Variants in PHLDB1 observed in about 807,000 individuals in gnomAD.
PHLDB1 encodes pleckstrin homology-like domain family B member 1.
A neutral mutation model predicts 139.3 loss-of-function variants in PHLDB1; 65 were observed. That is an observed-to-expected ratio of 0.47 (90% CI 0.38 to 0.57). The LOEUF is 0.57. Ranked by LOEUF, PHLDB1 falls within the 20% of genes least tolerant of loss-of-function variation. The pLI is 0.00. For missense variants in PHLDB1, 1,624 were observed against 1,839.7 expected (o/e 0.88, Z 2.14); for synonymous variants, 679 against 734.5 (o/e 0.92, Z 1.22).
rs1555142276 is a variant in PHLDB1, at chr11:118,656,798, A to G, written c.4109A>G (p.Glu1370Gly). The G allele has an allele frequency of 1.9e-6, 3 of 1,613,858 alleles. No homozygotes were observed. Among genetic ancestry groups the G allele is most frequent in the Non-Finnish European group, 2.5e-6 (3 of 1,179,846 alleles). Residue 1370 changes from glutamate to glycine, a missense_variant, in exon 23 of 23, where the codon GAG becomes GGG. Transcript: ENST00000600882. ...ATGGATGTCATTGTCACAGGGGCTGAGGGCTACACTCAGTTCATGAACTAA... is the reference window on the plus strand; with the variant it reads ...ATGGATGTCATTGTCACAGGGGCTGGGGGCTACACTCAGTTCATGAACTAA... Reference protein sequence around the residue: ...IWMDVIVTGAEGYTQFMN With the variant: ...IWMDVIVTGAGGYTQFMN
intron 4 of PHLDB1, among the ~76,000 whole-genome samples, chr11:118,618,161 G>A (rs1942033695): frequency 6.6e-6 from 1 of 152,100 alleles, no homozygotes; most frequent in Non-Finnish European, 1.5e-5. Flanking sequence ...AGCCAAGTAT[G>A]TACCCTCCCA....
At chr11:118,641,527 C>T (rs781975804) in intron 12 of PHLDB1, 1 of 797,842 alleles carries the variant, frequency 1.3e-6, no homozygotes, top group Non-Finnish European at 1.7e-6. Flanking sequence ...TGCCCTTTCC[C>T]TCCCTTCCCC....
Position 118,648,027 on chromosome 11 carries a change from A to T in PHLDB1, c.3605A>T (p.Gln1202Leu). The change falls in exon 18 of 23, where the codon CAG becomes CTG. Residue 1202 changes from glutamine (Q) to leucine (L), a missense_variant. Gln to Leu is a moderately radical substitution (Grantham distance 113, BLOSUM62 -2). Transcript: ENST00000600882. ...RRLQSESARR[Q>L]QLVEKEVKMR... ...CTGCAGAGTGAGAGTGCCCGGAGGC[A>T]GCAGCTGGTCGAGAAGGAGGTCAAG... The T allele has an allele frequency of 6.2e-7, 1 of 1,613,270 alleles. No homozygotes were observed. Among genetic ancestry groups the T allele is most frequent in the Non-Finnish European group, 8.5e-7 (1 of 1,179,578 alleles).
intron 10 of PHLDB1, 145 bp from the exon 11 acceptor site, chr11:118,638,743 TTTC>T: frequency 1.6e-6 from 1 of 621,838 alleles, no homozygotes; most frequent in Non-Finnish European, 2.8e-6. Context: ...GGCAGCCTGT[TTTC>T]TTAGGGTGAG....
Position 118,657,089 on chromosome 11 carries a change from T to C in PHLDB1, c.*266T>C. The C allele has an allele frequency of 3.0e-6, 1 of 331,500 alleles. No individual in the cohort carries two copies. The highest frequency in any genetic ancestry group is 5.5e-6 in the Non-Finnish European group (1 of 181,162). The allele number at this position is 331,500 out of a possible 1,614,324, so 20.5% of individuals were successfully genotyped here. A position where few individuals can be genotyped will look rare whatever the true frequency, so the allele number is the denominator to read the frequency against. On this transcript the variant is annotated 3_prime_UTR_variant, in exon 23 of 23. Coordinates refer to ENST00000600882, the MANE Select transcript of PHLDB1 (RefSeq NM_001144758.3). Reference sequence around the variant, plus strand: ...GACCTGACACCTGCTCTCCCCAGCCTGTTTTCTCTTTTCTAAAAGACAAAT... The same window carrying C: ...GACCTGACACCTGCTCTCCCCAGCCCGTTTTCTCTTTTCTAAAAGACAAAT...
chr11:118,641,655 G>T (rs1011005713), intron 12 of PHLDB1: 1 of 1,288,204 alleles, frequency 7.8e-7, no homozygotes. Flanking sequence ...GGGGCACCTC[G>T]CCCATGCCCC....
At chr11:118,613,676 T>C (rs1940965536) in intron 1 of PHLDB1, 140 bp from the exon 2 acceptor site, 1 of 612,298 alleles carries the variant, frequency 1.6e-6, no homozygotes, top group African/African-American at 1.9e-5. Flanking sequence ...TTTAGCTGCC[T>C]CTATTTCCCT....
At chr11:118,624,581 TCTTC>T (rs1171182849) in intron 4 of PHLDB1, 2 of 246,258 alleles carry the variant, frequency 8.1e-6, no homozygotes, top group African/African-American at 4.8e-5. Flanking sequence ...TTTCTCTCTT[TCTTC>T]CTTTCTTTTT....
intron 20 of PHLDB1, chr11:118,655,155 TTG>T (rs1269505689): frequency 6.0e-6 from 1 of 165,852 alleles, no homozygotes; most frequent in Admixed American, 5.6e-5. Flanking sequence ...CTTAATAATC[TTG>T]TGTGTGTTAC....
rs552401289 is a variant in PHLDB1, at chr11:118,657,390, C to T, written c.*567C>T. ...GGTTACCATAGTGACTGCTTCATTG[C>T]CATGGTTACATACTAATTGCTGCAG... On this transcript the variant is annotated 3_prime_UTR_variant, in exon 23 of 23. Transcript: ENST00000600882. 9.6e-4 allele frequency: 148 copies of T among 153,754 alleles called. 1 individual carries two copies. The highest frequency in any genetic ancestry group is 1.6e-3 in the Non-Finnish European group (111 of 68,748). 9.5% of individuals were successfully genotyped at this position (153,754 alleles called of 1,614,324 possible).
chr11:118,649,492 G>A (rs1948050603), intron 18 of PHLDB1, among the ~76,000 whole-genome samples: 1 of 152,046 alleles, frequency 6.6e-6, no homozygotes, highest in South Asian at 2.1e-4. Context: ...GGGGTCGTGT[G>A]TTTTGTTTTT....
chr11:118,617,151 G>A (rs1270016582), intron 4 of PHLDB1, among the ~76,000 whole-genome samples: 2 of 152,220 alleles, frequency 1.3e-5, no homozygotes, highest in Non-Finnish European at 2.9e-5. Flanking sequence ...GACAGACCAG[G>A]TGTGCTCACC....
At chr11:118,644,042 C>A in intron 14 of PHLDB1, 30 bp from the exon 15 acceptor site, 1 of 1,609,538 alleles carries the variant, frequency 6.2e-7, no homozygotes. Context: ...GCCTTCTGAG[C>A]CCAGGTCCGA....
At chr11:118,631,803 T>C in intron 7 of PHLDB1, 110 bp from the exon 8 acceptor site, 1 of 1,276,046 alleles carries the variant, frequency 7.8e-7, no homozygotes, top group Non-Finnish European at 1.1e-6. Flanking sequence ...GCCTCCTGTC[T>C]CAGTCCAGCT....
At chr11:118,641,807 C>G (rs1555121042) in intron 12 of PHLDB1, 1 of 1,278,660 alleles carries the variant, frequency 7.8e-7, no homozygotes, top group African/African-American at 1.5e-5. Flanking sequence ...TGAGTTCTTG[C>G]TACCCCCACC....
intron 18 of PHLDB1, among the ~76,000 whole-genome samples, chr11:118,648,819 C>T (rs1240121835): frequency 6.6e-6 from 1 of 152,164 alleles, no homozygotes; most frequent in Non-Finnish European, 1.5e-5. Context: ...CACAACCCCC[C>T]ATGAGAATCT....
chr11:118,642,062 C>G, intron 12 of PHLDB1, 192 bp from the exon 13 acceptor site: 73 of 607,412 alleles, frequency 1.2e-4, no homozygotes, highest in East Asian at 1.6e-4. Flanking sequence ...TTTCTCCCTT[C>G]CTTCCTCCCC....
At chr11:118,634,866 T>G in intron 9 of PHLDB1, 2 of 339,538 alleles carry the variant, frequency 5.9e-6, no homozygotes, top group Admixed American at 3.5e-5. Flanking sequence ...AGTTGAGGAG[T>G]GTGTGTTCTG....
intron 13 of PHLDB1, 56 bp from the exon 14 acceptor site, chr11:118,643,744 G>A: frequency 6.2e-7 from 1 of 1,613,272 alleles, no homozygotes; most frequent in Non-Finnish European, 8.5e-7. Flanking sequence ...AGGTGACATG[G>A]GGGAGGTGGC....
Sources: allele counts gnomAD v4.1 joint callset (sites outside exome capture counted in the v4.1 genomes callset), GRCh38; gene constraint gnomAD v4.1.1; transcripts MANE v1.5; gene names NCBI Gene and HGNC (gene_info 2026-07-23, HGNC 2026-07-21).